Variants in PPFIA2 observed in about 807,000 individuals in gnomAD.
PPFIA2 encodes the protein PPFI scaffold protein A2, also known as liprin-alpha-2.
Under a neutral mutation model 175.5 loss-of-function variants are expected in PPFIA2, and 46 were observed. The observed-to-expected ratio is 0.26, with a 90% CI of 0.21 to 0.34. PPFIA2 has a LOEUF of 0.34. Ranked by LOEUF, PPFIA2 falls within the 10% of genes least tolerant of loss-of-function variation. The pLI is 1.00. For missense variants in PPFIA2, 1,179 were observed against 1,506.1 expected (o/e 0.78, Z 3.60); for synonymous variants, 568 against 511.4 (o/e 1.11, Z -1.49).
At chr12:81,287,057 A>G (rs1361879502) in intron 24 of PPFIA2, among the ~76,000 whole-genome samples, 2 of 151,890 alleles carry the variant, frequency 1.3e-5, no homozygotes, top group Non-Finnish European at 1.5e-5. Context: ...AGTACTTTAC[A>G]TGCATCTGTC....
At chr12:81,675,776 C>T (rs2072390742) in intron 4 of PPFIA2, 1 of 152,112 alleles carries the variant, frequency 6.6e-6, no homozygotes, top group Non-Finnish European at 1.5e-5. Context: ...TCTTGCCTTA[C>T]ATTGTAATGT....
intron 13 of PPFIA2, chr12:81,368,180 A>T: frequency 7.8e-7 from 1 of 1,283,816 alleles, no homozygotes; most frequent in Non-Finnish European, 1.0e-6. Flanking sequence ...TCAATGAGAC[A>T]TATATAACTG....
intron 8 of PPFIA2, among the ~76,000 whole-genome samples, chr12:81,402,223 CA>C (rs1480889344): frequency 6.6e-6 from 1 of 152,120 alleles, no homozygotes. Context: ...AATAGTTTTA[CA>C]TTTTTGTCCT....
At chr12:81,287,330 T>C (rs973080247) in intron 24 of PPFIA2, among the ~76,000 whole-genome samples, 10 of 151,960 alleles carry the variant, frequency 6.6e-5, no homozygotes, top group Non-Finnish European at 1.5e-4. Flanking sequence ...GATACATGCA[T>C]AGTATCTTTC....
chr12:81,753,477 G>A (rs1411175972), intron 3 of PPFIA2, among the ~76,000 whole-genome samples: 1 of 148,678 alleles, frequency 6.7e-6, no homozygotes, highest in African/African-American at 2.5e-5. Context: ...CCAAGGGAGA[G>A]GATAATATAT....
chr12:81,438,350 C>T (rs2049487375), intron 7 of PPFIA2, among the ~76,000 whole-genome samples: 1 of 152,112 alleles, frequency 6.6e-6, no homozygotes, highest in African/African-American at 2.4e-5. Flanking sequence ...TGCCCGTAAT[C>T]CCAGCTACTT....
chr12:81,604,591 C>T (rs532746739), intron 4 of PPFIA2, among the ~76,000 whole-genome samples: 9 of 81,574 alleles, frequency 1.1e-4, no homozygotes, highest in East Asian at 8.1e-4. Flanking sequence ...CTATTTCAAT[C>T]GAAAATTATA....
intron 4 of PPFIA2, among the ~76,000 whole-genome samples, chr12:81,666,155 T>C (rs4617662): frequency 0.12 from 18,832 of 152,162 alleles, 1,824 homozygotes; most frequent in East Asian, 0.52. Context: ...ACTTCTACAC[T>C]GTTGGTGGGA....
intron 4 of PPFIA2, chr12:81,598,321 AT>A: frequency 1.7e-6 from 2 of 1,166,552 alleles, no homozygotes; most frequent in Non-Finnish European, 2.1e-6. Context: ...CCAACGATAA[AT>A]GGAGCTTGTG....
chr12:81,528,080 TATTTA>T (rs2063955605), intron 4 of PPFIA2, among the ~76,000 whole-genome samples: 1 of 152,200 alleles, frequency 6.6e-6, no homozygotes, highest in East Asian at 1.9e-4. Flanking sequence ...GAGGGTTTTT[TATTTA>T]TTCTATTAAC....
At chr12:81,360,971 G>C (rs1294407535) in intron 15 of PPFIA2, among the ~76,000 whole-genome samples, 2 of 151,610 alleles carry the variant, frequency 1.3e-5, no homozygotes, top group African/African-American at 4.8e-5. Flanking sequence ...TGTTATTAAG[G>C]AAAACAGGTT....
At chr12:81,356,007 G>A (rs1162200457) in intron 16 of PPFIA2, among the ~76,000 whole-genome samples, 1 of 152,120 alleles carries the variant, frequency 6.6e-6, no homozygotes, top group Non-Finnish European at 1.5e-5. Context: ...GATGCCAGAG[G>A]CCTAGCTTTT....
chr12:81,544,789 T>C (rs1250949261), intron 4 of PPFIA2, among the ~76,000 whole-genome samples: 1 of 152,200 alleles, frequency 6.6e-6, no homozygotes, highest in African/African-American at 2.4e-5. Context: ...GCTTATTTTC[T>C]ATCTTTTCCT....
At chr12:81,532,531 G>C (rs1039608626) in intron 4 of PPFIA2, among the ~76,000 whole-genome samples, 1 of 151,634 alleles carries the variant, frequency 6.6e-6, no homozygotes, top group Non-Finnish European at 1.5e-5. Flanking sequence ...GCAAACAAAA[G>C]GCTCTGGGTA....
At chr12:81,612,298 A>G (rs1326111018) in intron 4 of PPFIA2, among the ~76,000 whole-genome samples, 1 of 152,076 alleles carries the variant, frequency 6.6e-6, no homozygotes, top group East Asian at 1.9e-4. Context: ...TGTAGTGCTC[A>G]TTCTTTCACT....
At chr12:81,384,642 T>C (rs2038518654) in intron 8 of PPFIA2, among the ~76,000 whole-genome samples, 1 of 152,072 alleles carries the variant, frequency 6.6e-6, no homozygotes, top group Admixed American at 6.6e-5. Flanking sequence ...TAAGGACCTA[T>C]AAGGTGTACA....
At chr12:81,335,158 G>A (rs1325245931) in intron 21 of PPFIA2, among the ~76,000 whole-genome samples, 3 of 152,132 alleles carry the variant, frequency 2.0e-5, no homozygotes, top group African/African-American at 4.8e-5. Flanking sequence ...GTAAAGATAA[G>A]TCAATATTTG....
At chr12:81,452,532 T>C (rs550187113) in intron 5 of PPFIA2, among the ~76,000 whole-genome samples, 1 of 152,226 alleles carries the variant, frequency 6.6e-6, no homozygotes, top group African/African-American at 2.4e-5. Context: ...AGGGCGTATG[T>C]CCTATCCTAT....
Position 81,754,242 on chromosome 12 carries a change from G to A in PPFIA2, c.-2-19C>T. 1.3e-6 allele frequency: 2 copies of A among 1,574,748 alleles called. No individual in the cohort carries two copies. Among genetic ancestry groups the A allele is most frequent in the Middle Eastern group, 1.7e-4 (1 of 5,852 alleles). On this transcript the variant is annotated intron_variant, in intron 2 of 32. Transcript: ENST00000549396. ...ATCATTGCTTAAAGAAAGTAAGTGG[G>A]AAGGAGTCTTAGTAAAGAAATGATT...
Sources: gnomAD v4.1 joint callset for allele counts (sites outside exome capture counted in the v4.1 genomes callset) on GRCh38, gnomAD v4.1.1 for gene constraint, MANE v1.5 for transcripts, NCBI Gene and HGNC (gene_info 2026-07-23, HGNC 2026-07-21) for gene names.